The following UGT1A9 variants were observed in gnomAD, a reference collection of about 807,000 sequenced individuals.
The protein encoded by UGT1A9 is UDP glucuronosyltransferase family 1 member A9, also known as UDP-glucuronosyltransferase 1A9.
A neutral mutation model predicts 45.0 loss-of-function variants in UGT1A9; 35 were observed. The ratio of observed to expected loss-of-function variants is 0.78; its 90% CI spans 0.59 to 1.03. UGT1A9 has a LOEUF of 1.03. Among genes scored for constraint, UGT1A9 ranks in the 50% least tolerant of loss-of-function variants. The probability of loss-of-function intolerance (pLI) is 0.00; values close to 1 mark genes in which losing one functional copy is unlikely to be tolerated. For synonymous variants in UGT1A9, 278 were observed against 250.6 expected, an observed-to-expected ratio of 1.11 and a Z score of -1.03; for missense variants, 687 against 666.6, an observed-to-expected ratio of 1.03 and a Z score of -0.34.
chr2:233,762,314 C>T (rs548976022), intron 1 of UGT1A9, among the ~76,000 whole-genome samples: 27 of 152,272 alleles, frequency 1.8e-4, no homozygotes, highest in African/African-American at 5.3e-4. Context: ...GTTAATGGGT[C>T]GAGAGTAATC....
chr2:233,715,089 T>C (rs1480789668), intron 1 of UGT1A9, among the ~76,000 whole-genome samples: 2 of 152,174 alleles, frequency 1.3e-5, no homozygotes, highest in East Asian at 3.9e-4. Flanking sequence ...TTTCATCATA[T>C]TGGCCAGGCT....
chr2:233,743,704 C>G, intron 1 of UGT1A9: 2 of 1,367,360 alleles, frequency 1.5e-6, no homozygotes, highest in Non-Finnish European at 2.0e-6. Context: ...CCTCCGCCCC[C>G]GCCTCGCCAT....
chr2:233,712,864 G>A, intron 1 of UGT1A9: 1 of 1,572,064 alleles, frequency 6.4e-7, no homozygotes, highest in Non-Finnish European at 8.6e-7. Context: ...AACTGGAGGA[G>A]GGCACTCTGT....
At chr2:233,767,195 T>C (rs1699333145) in intron 2 of UGT1A9, 30 bp downstream of exon 2, 10 of 1,613,760 alleles carry the variant, frequency 6.2e-6, no homozygotes, top group Non-Finnish European at 6.8e-6. Context: ...TGGCCTCATA[T>C]CTATTTTCAC....
chr2:233,772,248 G>C lies in UGT1A9; in HGVS notation c.1296-14G>C. 2 of 1,614,220 alleles carry C rather than the reference G, an allele frequency of 1.2e-6. No homozygotes were observed. Among genetic ancestry groups the C allele is most frequent in the Non-Finnish European group, 1.7e-6 (2 of 1,180,034 alleles). ...CAGGTGTTCCAGGCATAACGAAACT[G>C]TCTTTGTGTTTAGTTACAAGGAGAA... On this transcript the variant is annotated splice_polypyrimidine_tract_variant and intron_variant, in intron 4 of 4. Transcript: ENST00000354728.
intron 1 of UGT1A9, among the ~76,000 whole-genome samples, chr2:233,722,626 G>A (rs1272001840): frequency 6.6e-6 from 1 of 152,128 alleles, no homozygotes; most frequent in African/African-American, 2.4e-5. Context: ...TCTTAATGAA[G>A]CATTGAGGGC....
At chr2:233,730,000 A>T (rs569428615) in intron 1 of UGT1A9, 15 of 1,614,004 alleles carry the variant, frequency 9.3e-6, no homozygotes, top group Non-Finnish European at 1.1e-5. Flanking sequence ...TCAGGTCTGT[A>T]TTGGTGCCTT....
At chr2:233,760,874 C>T in intron 1 of UGT1A9, 1 of 1,614,100 alleles carries the variant, frequency 6.2e-7, no homozygotes, top group Non-Finnish European at 8.5e-7. Flanking sequence ...GTGCCCAGGC[C>T]TCTCTCCTCT....
intron 1 of UGT1A9, among the ~76,000 whole-genome samples, chr2:233,679,021 CCTT>C (rs1386866836): frequency 7.2e-5 from 11 of 152,166 alleles, no homozygotes; most frequent in Middle Eastern, 3.2e-3. Context: ...GTGGTGTAAT[CCTT>C]CTGGACTTTC....
chr2:233,692,514 G>A (rs902529151), intron 1 of UGT1A9, among the ~76,000 whole-genome samples: 2 of 152,148 alleles, frequency 1.3e-5, no homozygotes, highest in Admixed American at 1.3e-4. Context: ...AACCTGTGGG[G>A]TCCGTGCTAA....
intron 1 of UGT1A9, among the ~76,000 whole-genome samples, chr2:233,696,549 T>C (rs1159703071): frequency 2.6e-5 from 4 of 152,222 alleles, no homozygotes; most frequent in Non-Finnish European, 4.4e-5. Flanking sequence ...TTTCTGAATA[T>C]ATTATGTCAT....
intron 1 of UGT1A9, among the ~76,000 whole-genome samples, chr2:233,751,493 G>C (rs545881478): frequency 3.2e-4 from 48 of 152,200 alleles, no homozygotes; most frequent in Non-Finnish European, 6.2e-4. Context: ...AAAGACATGA[G>C]ATTTGGGAGG....
chr2:233,728,576 A>C (rs913961228), intron 1 of UGT1A9, among the ~76,000 whole-genome samples: 5 of 152,214 alleles, frequency 3.3e-5, no homozygotes, highest in African/African-American at 1.2e-4. Context: ...CCTGGTGCGA[A>C]AAACGACCAA....
At chr2:233,690,395 C>T in intron 1 of UGT1A9, 2 of 1,127,238 alleles carry the variant, frequency 1.8e-6, no homozygotes, top group Non-Finnish European at 2.3e-6. Context: ...CCAGACCTTC[C>T]TATTCCCAAC....
At chr2:233,713,375 T>C in intron 1 of UGT1A9, 1 of 1,614,192 alleles carries the variant, frequency 6.2e-7, no homozygotes, top group Non-Finnish European at 8.5e-7. Flanking sequence ...ATAGGTCTTG[T>C]GTGGAGCTAC....
At chr2:233,736,121 A>G (rs1050675156) in intron 1 of UGT1A9, among the ~76,000 whole-genome samples, 2 of 152,066 alleles carry the variant, frequency 1.3e-5, no homozygotes, top group African/African-American at 4.8e-5. Context: ...ACTTGTTTCC[A>G]TTCTCCGCAT....
chr2:233,692,994 C>T (rs2075125575), intron 1 of UGT1A9: 1 of 1,613,956 alleles, frequency 6.2e-7, no homozygotes, highest in Non-Finnish European at 8.5e-7. Context: ...GTTACTTTAA[C>T]TCTTTCCAGG....
chr2:233,690,525 A>G (rs1000545540), intron 1 of UGT1A9: 3 of 1,289,480 alleles, frequency 2.3e-6, no homozygotes, highest in Non-Finnish European at 3.0e-6. Flanking sequence ...CTTAGGATCT[A>G]CTTCTTTCAC....
In UGT1A9 at chr2:233,760,260, G is replaced by A. The variant is rs753448247; in HGVS notation, c.856-6774G>A. ...TATATATATATATAAGTAGGAGAGG[G>A]CGAACCTCTGGCAGGAGCAAAGGCG... On this transcript the variant is annotated intron_variant, in intron 1 of 4. Coordinates refer to ENST00000354728, the MANE Select transcript of UGT1A9 (RefSeq NM_021027.3). 3.1e-6 allele frequency: 5 copies of A among 1,611,260 alleles called. 1 individual carries two copies. Among genetic ancestry groups the A allele is most frequent in the South Asian group, 2.2e-5 (2 of 90,906 alleles).
Sources: gnomAD v4.1 joint callset for allele counts (sites outside exome capture counted in the v4.1 genomes callset) on GRCh38, gnomAD v4.1.1 for gene constraint, MANE v1.5 for transcripts, NCBI Gene and HGNC (gene_info 2026-07-23, HGNC 2026-07-21) for gene names.